Variants in CCDC7 observed in about 807,000 individuals in gnomAD.
CCDC7 encodes coiled-coil domain-containing protein 7.
CCDC7 carries 183 observed loss-of-function variants against 196.9 expected under a neutral mutation model. That is an observed-to-expected ratio of 0.93 (90% confidence interval 0.82 to 1.05). CCDC7 has a LOEUF of 1.05. Among genes scored for constraint, CCDC7 ranks in the 50% least tolerant of loss-of-function variants. The pLI is 0.00. For synonymous variants in CCDC7, 525 were observed against 484.6 expected (o/e 1.08, Z -1.10); for missense variants, 1,540 against 1,482.2 (o/e 1.04, Z -0.64).
chr10:32,817,095 A>T (rs2088833063), intron 31 of CCDC7, among the ~76,000 whole-genome samples: 1 of 152,126 alleles, frequency 6.6e-6, no homozygotes, highest in South Asian at 2.1e-4. Context: ...TGAAAAAAAA[A>T]TTAGACAAAT....
chr10:32,643,870 AATTTTCAAAATT>A (rs1165351519), intron 20 of CCDC7, among the ~76,000 whole-genome samples: 1 of 149,146 alleles, frequency 6.7e-6, no homozygotes, highest in East Asian at 1.9e-4. Context: ...TTTGAAAATT[AATTTTCAAAATT>A]ATTTTGAAAA....
intron 13 of CCDC7, among the ~76,000 whole-genome samples, chr10:32,548,061 G>C (rs192227058): frequency 2.6e-5 from 4 of 152,176 alleles, no homozygotes; most frequent in Non-Finnish European, 5.9e-5. Flanking sequence ...TGCCGCCAAA[G>C]AAACAGCACT....
rs2093278381 is a variant in CCDC7, at chr10:32,846,051, T to A, written c.3604+92T>A. On this transcript the variant is annotated intron_variant, in intron 36 of 41. Transcript: ENST00000639629. ...ATAGACCTTTAATGACAACAGTACCTGTATCATAGTACTTTCCATAGCAAA... is the reference window on the plus strand; with the variant it reads ...ATAGACCTTTAATGACAACAGTACCAGTATCATAGTACTTTCCATAGCAAA... 1.5e-5 allele frequency: 13 copies of A among 893,346 alleles called. No homozygotes were observed. In the South Asian group the frequency reaches 2.0e-4, roughly 13 times the overall value. The allele number at this position is 893,346 out of a possible 1,614,324, so 55.3% of individuals were successfully genotyped here.
At chr10:32,458,999 C>T (rs1235847007) in intron 3 of CCDC7, among the ~76,000 whole-genome samples, 6 of 151,810 alleles carry the variant, frequency 4.0e-5, no homozygotes, top group African/African-American at 9.7e-5. Context: ...TTGTAGAGAC[C>T]TTTCACCTCC....
intron 18 of CCDC7, among the ~76,000 whole-genome samples, chr10:32,598,772 A>G (rs73255478): frequency 0.052 from 7,867 of 152,266 alleles, 666 homozygotes; most frequent in African/African-American, 0.18. Flanking sequence ...ATTAGAAAAG[A>G]TACTTCATAT....
chr10:32,700,397 G>A (rs972973937), intron 24 of CCDC7, among the ~76,000 whole-genome samples: 1 of 144,512 alleles, frequency 6.9e-6, no homozygotes, highest in Non-Finnish European at 1.5e-5. Context: ...GGGCTCTATT[G>A]TGTTCCATTG....
chr10:32,660,273 G>A (rs1345432400), intron 20 of CCDC7, among the ~76,000 whole-genome samples: 36 of 102,642 alleles, frequency 3.5e-4, no homozygotes, highest in African/African-American at 7.0e-4. Flanking sequence ...TATCCCTCCC[G>A]CCTCCCCCCA....
At chr10:32,620,248 T>C (rs2063264312) in intron 18 of CCDC7, among the ~76,000 whole-genome samples, 1 of 152,142 alleles carries the variant, frequency 6.6e-6, no homozygotes, top group Non-Finnish European at 1.5e-5. Context: ...ATTCTGTTAT[T>C]GCATTTTAGG....
rs141936166 is a variant in CCDC7 at position 32,477,133 on chromosome 10, C to T, written c.796+3110C>T. Among the ~76,000 whole-genome samples, 124 of 151,926 alleles carry T rather than the reference C, an allele frequency of 8.2e-4. 2 individuals are homozygous for T. The East Asian group carries it at 0.014, about 18-fold the overall frequency. Reference sequence around the variant, plus strand: ...AAATTCATCTTCAAACCCAAAGTTACCTAGATAGTCTCTTCTACTGCCTTG... The same window carrying T: ...AAATTCATCTTCAAACCCAAAGTTATCTAGATAGTCTCTTCTACTGCCTTG... On this transcript the variant is annotated intron_variant, in intron 8 of 41. Coordinates refer to ENST00000639629, the Ensembl canonical transcript of CCDC7.
intron 25 of CCDC7, among the ~76,000 whole-genome samples, chr10:32,715,119 G>A (rs1465358300): frequency 6.6e-6 from 1 of 152,210 alleles, no homozygotes; most frequent in African/African-American, 2.4e-5. Flanking sequence ...CCTCCCAGCA[G>A]GGGTCAACAG....
chr10:32,530,248 A>G lies in CCDC7; in HGVS notation c.993+11743A>G, dbSNP rs755987357. On this transcript the variant is annotated intron_variant, in intron 11 of 41. Transcript: ENST00000639629. ...CTTTTTGCTTAGTCTTGCTTTGGCT[A>G]TGTGGGCTCTTTTTTCATTCCACAT... 7.2e-5 allele frequency among the ~76,000 whole-genome samples: 11 copies of G among 152,216 alleles called. No individual in the cohort carries two copies. In the South Asian group the frequency reaches 1.0e-3, roughly 14 times the overall value.
intron 41 of CCDC7, among the ~76,000 whole-genome samples, chr10:32,873,523 C>G (rs1427379650): frequency 3.3e-5 from 5 of 151,902 alleles, no homozygotes; most frequent in Non-Finnish European, 7.4e-5. Flanking sequence ...CTGAAGCCTT[C>G]TTCTCTCAAC....
chr10:32,584,861 G>C (rs2059102036), intron 18 of CCDC7, among the ~76,000 whole-genome samples: 1 of 150,436 alleles, frequency 6.6e-6, no homozygotes, highest in African/African-American at 2.5e-5. Flanking sequence ...TTTATCTCAA[G>C]CAAATAATAG....
chr10:32,492,142 T>A, intron 9 of CCDC7, 145 bp downstream of exon 10: 2 of 739,528 alleles, frequency 2.7e-6, no homozygotes, highest in Non-Finnish European at 3.8e-6. Context: ...AAGAAGAAAA[T>A]AACACCTCTA....
intron 8 of CCDC7, among the ~76,000 whole-genome samples, chr10:32,486,341 A>G (rs975024008): frequency 1.4e-4 from 21 of 150,576 alleles, no homozygotes; most frequent in African/African-American, 4.2e-4. Context: ...TTTGTTTTGC[A>G]TTTGCTTGGT....
chr10:32,587,207 T>C (rs981405078), intron 18 of CCDC7, among the ~76,000 whole-genome samples: 2 of 152,178 alleles, frequency 1.3e-5, no homozygotes, highest in African/African-American at 4.8e-5. Context: ...AAGCAATAAC[T>C]CTCATTCCCC....
chr10:32,819,286 A>C (rs537185938), intron 31 of CCDC7, among the ~76,000 whole-genome samples: 1 of 152,364 alleles, frequency 6.6e-6, no homozygotes, highest in Admixed American at 6.5e-5. Context: ...ATCTCTGAAT[A>C]GACCAATAAC....
exon 12 of CCDC7, chr10:32,543,350 G>A: frequency 2.8e-6 from 4 of 1,448,594 alleles, no homozygotes; most frequent in Middle Eastern, 1.8e-4. Flanking sequence ...AAACAGTGAA[G>A]AAAAAAGACA....
At chr10:32,606,957 A>T (rs190541017) in intron 18 of CCDC7, among the ~76,000 whole-genome samples, 1 of 152,302 alleles carries the variant, frequency 6.6e-6, no homozygotes, top group Non-Finnish European at 1.5e-5. Flanking sequence ...TATGGTTTGG[A>T]TATCTGTTCC....
Sources: gnomAD v4.1 joint callset for allele counts (sites outside exome capture counted in the v4.1 genomes callset) on GRCh38, gnomAD v4.1.1 for gene constraint, MANE v1.5 for transcripts, NCBI Gene and HGNC (gene_info 2026-07-23, HGNC 2026-07-21) for gene names.